The following CDH12 variants were observed in gnomAD, a reference collection of about 807,000 sequenced individuals.
CDH12 encodes cadherin-12.
In CDH12, 41 loss-of-function variants were observed where a neutral mutation model predicts 74.1. That is an observed-to-expected ratio of 0.55 (90% confidence interval 0.43 to 0.72). The LOEUF (loss-of-function observed/expected upper bound fraction) is 0.72. Ranked by LOEUF, CDH12 falls within the 30% of genes least tolerant of loss-of-function variation. The pLI is 0.00. For synonymous variants in CDH12, 399 were observed against 355.0 expected, an observed-to-expected ratio of 1.12 and a Z score of -1.39; for missense variants, 945 against 977.2, an observed-to-expected ratio of 0.97 and a Z score of 0.44.
At chr5:22,576,130 C>T (rs1739776912) in intron 1 of CDH12, among the ~76,000 whole-genome samples, 1 of 152,196 alleles carries the variant, frequency 6.6e-6, no homozygotes, top group African/African-American at 2.4e-5. Flanking sequence ...TCAGGATATA[C>T]AAACCTAAAA....
At chr5:21,854,929 A>T (rs973873043) in intron 6 of CDH12, 139 bp from the exon 7 acceptor site, 5 of 603,426 alleles carry the variant, frequency 8.3e-6, no homozygotes, top group Non-Finnish European at 1.4e-5. Flanking sequence ...CACTGAGGAT[A>T]GTTTAACCGT....
chr5:22,614,691 T>C (rs1737600476), intron 1 of CDH12, among the ~76,000 whole-genome samples: 1 of 152,094 alleles, frequency 6.6e-6, no homozygotes, highest in South Asian at 2.1e-4. Context: ...CTTTTGGTGT[T>C]TCCATCTCCT....
At chr5:22,534,192 CTT>C (rs528309114) in intron 1 of CDH12, among the ~76,000 whole-genome samples, 99 of 149,344 alleles carry the variant, frequency 6.6e-4, no homozygotes, top group African/African-American at 2.0e-3. Context: ...CTCTTTACTT[CTT>C]TTTTTTTTAA....
At chr5:22,039,639 C>A (rs1476476132) in intron 5 of CDH12, among the ~76,000 whole-genome samples, 1 of 151,926 alleles carries the variant, frequency 6.6e-6, no homozygotes, top group South Asian at 2.1e-4. Flanking sequence ...CACTGAGGAC[C>A]CTAAAAACCT....
chr5:22,777,137 T>TAC (rs1747144020), intron 1 of CDH12, among the ~76,000 whole-genome samples: 1 of 152,004 alleles, frequency 6.6e-6, no homozygotes, highest in South Asian at 2.1e-4. Context: ...GCTACCCCAC[T>TAC]ACTCCCCAAA....
At chr5:22,189,390 T>G (rs1750136334) in intron 4 of CDH12, among the ~76,000 whole-genome samples, 1 of 152,056 alleles carries the variant, frequency 6.6e-6, no homozygotes, top group East Asian at 1.9e-4. Context: ...ATTTTAAAAA[T>G]CAATAACATT....
At chr5:22,568,226 C>A (rs1039498073) in intron 1 of CDH12, among the ~76,000 whole-genome samples, 8 of 152,102 alleles carry the variant, frequency 5.3e-5, no homozygotes, top group Non-Finnish European at 1.0e-4. Flanking sequence ...ATAAGATGAG[C>A]AGCATAAGAT....
intron 1 of CDH12, among the ~76,000 whole-genome samples, chr5:22,560,198 A>G (rs1223021517): frequency 6.6e-6 from 1 of 152,326 alleles, no homozygotes; most frequent in East Asian, 1.9e-4. Context: ...CATCAGTCCA[A>G]AAATATTAAT....
intron 2 of CDH12, among the ~76,000 whole-genome samples, chr5:22,452,521 C>A (rs565605306): frequency 2.6e-5 from 4 of 151,744 alleles, no homozygotes; most frequent in African/African-American, 9.7e-5. Flanking sequence ...TATCCACATG[C>A]GGAAGAATGA....
intron 4 of CDH12, among the ~76,000 whole-genome samples, chr5:22,165,087 C>G (rs535161761): frequency 6.6e-6 from 1 of 151,240 alleles, no homozygotes; most frequent in African/African-American, 2.4e-5. Context: ...ACTTTGGCCC[C>G]GACATTCTAT....
At chr5:21,934,980 G>A (rs1313299029) in intron 6 of CDH12, among the ~76,000 whole-genome samples, 1 of 152,106 alleles carries the variant, frequency 6.6e-6, no homozygotes, top group Non-Finnish European at 1.5e-5. Flanking sequence ...TAGAGACGGG[G>A]TTTCATCGTG....
At chr5:22,324,329 AT>A (rs1473689234) in intron 3 of CDH12, among the ~76,000 whole-genome samples, 1 of 152,070 alleles carries the variant, frequency 6.6e-6, no homozygotes, top group Non-Finnish European at 1.5e-5. Context: ...ATAAATCATT[AT>A]CATTTTTTAT....
At chr5:22,392,454 C>A (rs1219838204) in intron 3 of CDH12, among the ~76,000 whole-genome samples, 1 of 152,146 alleles carries the variant, frequency 6.6e-6, no homozygotes, top group Non-Finnish European at 1.5e-5. Flanking sequence ...ACTCACCCTG[C>A]CTCAACGTAT....
chr5:22,579,359 G>A (rs1453770365), intron 1 of CDH12, among the ~76,000 whole-genome samples: 6 of 152,024 alleles, frequency 3.9e-5, no homozygotes, highest in East Asian at 1.9e-4. Context: ...ATTTTATTCC[G>A]ATTTAATGAC....
chr5:21,831,156 T>C lies in CDH12; in HGVS notation c.814+11005A>G, dbSNP rs1212013947. Among the ~76,000 whole-genome samples the C allele has an allele frequency of 5.9e-5, 9 of 152,216 alleles. 1 individual carries two copies. The highest frequency in any genetic ancestry group is 4.6e-4 in the Admixed American group (7 of 15,292). On this transcript the variant is annotated intron_variant, in intron 8 of 14. Coordinates refer to ENST00000382254, the MANE Select transcript of CDH12 (RefSeq NM_004061.5). The stretch of plus-strand genomic sequence containing the variant: ...TAGCTTTGATTAGTGGAGCAGTGGA[T>C]TGAAAGCCCCATAGTCACATATAGG...
intron 1 of CDH12, among the ~76,000 whole-genome samples, chr5:22,748,228 T>C (rs1413175204): frequency 2.6e-5 from 4 of 152,196 alleles, no homozygotes; most frequent in African/African-American, 9.6e-5. Context: ...TAAATTGACT[T>C]TTAGTGTCAC....
intron 1 of CDH12, among the ~76,000 whole-genome samples, chr5:22,529,128 A>C (rs1737435844): frequency 9.3e-6 from 1 of 108,092 alleles, no homozygotes; most frequent in South Asian, 2.7e-4. Context: ...GCAAAACATG[A>C]ATATATGCAT....
intron 10 of CDH12, among the ~76,000 whole-genome samples, chr5:21,792,228 C>G (rs1430289280): frequency 1.3e-5 from 2 of 151,832 alleles, no homozygotes; most frequent in Non-Finnish European, 2.9e-5. Flanking sequence ...TCTCCATCAG[C>G]AATCACAAAT....
intron 5 of CDH12, among the ~76,000 whole-genome samples, chr5:22,043,799 A>G (rs1739742030): frequency 6.6e-6 from 1 of 152,146 alleles, no homozygotes; most frequent in Non-Finnish European, 1.5e-5. Context: ...GCTATATGGT[A>G]ACAGTTAACT....
Sources: gnomAD v4.1 joint callset for allele counts (sites outside exome capture counted in the v4.1 genomes callset) on GRCh38, gnomAD v4.1.1 for gene constraint, MANE v1.5 for transcripts, NCBI Gene and HGNC (gene_info 2026-07-23, HGNC 2026-07-21) for gene names.